STK32B: variants seen among roughly 807,000 people sequenced by gnomAD.
STK32B encodes serine/threonine kinase 32B, also known as serine/threonine-protein kinase 32B.
STK32B carries 43 observed loss-of-function variants against 52.6 expected under a neutral mutation model. The observed-to-expected ratio is 0.82, with a 90% confidence interval of 0.64 to 1.05. The LOEUF (loss-of-function observed/expected upper bound fraction) is 1.05. STK32B is among the 50% of genes least tolerant of loss of function. The pLI is 0.00. For synonymous variants in STK32B, 238 were observed against 204.3 expected, an observed-to-expected ratio of 1.17 and a Z score of -1.41; for missense variants, 621 against 534.6, an observed-to-expected ratio of 1.16 and a Z score of -1.59.
In STK32B at chr4:5,306,363, T is replaced by C. The variant is rs567692348; in HGVS notation, c.261-24857T>C. 2.6e-5 allele frequency among the ~76,000 whole-genome samples: 4 copies of C among 152,290 alleles called. No individual in the cohort carries two copies. In the South Asian group the frequency reaches 8.3e-4, roughly 32 times the overall value. ...TATCATTTCTTAGGTCTAGTAGTAA[T>C]TGTTTTATGAATTTGGGAACTCCAG... is the stretch of plus-strand genomic sequence containing the variant. On this transcript the variant is annotated intron_variant, in intron 3 of 11. Coordinates refer to ENST00000282908, the MANE Select transcript of STK32B (RefSeq NM_018401.3).
At chr4:5,484,920 ACT>A (rs1719022738) in intron 11 of STK32B, among the ~76,000 whole-genome samples, 1 of 151,836 alleles carries the variant, frequency 6.6e-6, no homozygotes, top group African/African-American at 2.4e-5. Flanking sequence ...ATTGGCCCCC[ACT>A]CTCTTTTGGC....
rs903363678 is a variant in STK32B, at chr4:5,467,547, G to T, written c.1042-459G>T. On this transcript the variant is annotated intron_variant, in intron 10 of 11. Transcript: ENST00000282908. This position sits in a 1 kb window ranked among gnomAD's most constrained non-coding sequence, Gnocchi z 5.8. ...ATCTTAACTGGATTACATCTGTAAA[G>T]GTTCTATTTCCAAATAACGTCATGT... Among the ~76,000 whole-genome samples the T allele has an allele frequency of 1.3e-5, 2 of 152,102 alleles. No individual in the cohort carries two copies.
chr4:5,406,312 C>T (rs1358275426), intron 5 of STK32B, among the ~76,000 whole-genome samples: 1 of 152,194 alleles, frequency 6.6e-6, no homozygotes, highest in African/African-American at 2.4e-5. Context: ...CACAGGTTGG[C>T]ATTGAGTGAT....
At chr4:5,157,299 TAAAAAAAA>T (rs59362249) in intron 2 of STK32B, among the ~76,000 whole-genome samples, 1 of 101,570 alleles carries the variant, frequency 9.8e-6, no homozygotes. Flanking sequence ...TGTGAGGATG[TAAAAAAAA>T]AAAAAAAAAA....
At chr4:5,132,616 T>TC (rs779528580) in intron 1 of STK32B, among the ~76,000 whole-genome samples, 1 of 151,892 alleles carries the variant, frequency 6.6e-6, no homozygotes, top group Non-Finnish European at 1.5e-5. Flanking sequence ...AGACAGATTT[T>TC]CCCCAAGATC....
intron 6 of STK32B, among the ~76,000 whole-genome samples, chr4:5,422,966 C>G (rs1242211044): frequency 2.0e-5 from 3 of 152,008 alleles, no homozygotes; most frequent in East Asian, 1.9e-4. Context: ...GAGTGAAGCA[C>G]CATTGTGTGA....
intron 1 of STK32B, among the ~76,000 whole-genome samples, chr4:5,065,101 C>G (rs918101212): frequency 2.0e-5 from 3 of 152,084 alleles, no homozygotes; most frequent in Admixed American, 6.6e-5. Flanking sequence ...TTTGTACTAT[C>G]TCCCTGGGTG....
chr4:5,261,221 C>T (rs75265893), intron 3 of STK32B, among the ~76,000 whole-genome samples: 87 of 152,242 alleles, frequency 5.7e-4, no homozygotes, highest in Admixed American at 1.2e-3. Flanking sequence ...ATTAAGGCTT[C>T]GTGCACCAAT....
At chr4:5,159,566 A>ATATATATGTATATATGT (rs1718182775) in intron 2 of STK32B, among the ~76,000 whole-genome samples, 8 of 69,158 alleles carry the variant, frequency 1.2e-4, no homozygotes, top group African/African-American at 4.4e-4. Context: ...TATATGAATG[A>ATATATATGTATATATGT]ATATATATGA....
At chr4:5,462,213 T>TA (rs1717082264) in intron 9 of STK32B, among the ~76,000 whole-genome samples, 1 of 151,940 alleles carries the variant, frequency 6.6e-6, no homozygotes, top group African/African-American at 2.4e-5. Flanking sequence ...TGTGTGCCTA[T>TA]ATGTCTATGT....
At chr4:5,494,277 C>T (rs373985851) in intron 11 of STK32B, among the ~76,000 whole-genome samples, 43 of 152,132 alleles carry the variant, frequency 2.8e-4, no homozygotes, top group Admixed American at 1.0e-3. Context: ...ATTGGGTGCA[C>T]ATATATTTAG....
At chr4:5,315,727 C>T (rs558790658) in intron 3 of STK32B, among the ~76,000 whole-genome samples, 13 of 140,826 alleles carry the variant, frequency 9.2e-5, no homozygotes, top group African/African-American at 2.9e-4. Flanking sequence ...ACTCCAGTTT[C>T]GCCCTGAGAC....
chr4:5,252,639 C>G (rs1726023596), intron 3 of STK32B, among the ~76,000 whole-genome samples: 1 of 152,194 alleles, frequency 6.6e-6, no homozygotes, highest in African/African-American at 2.4e-5. Flanking sequence ...GTCATTGTCA[C>G]TTATTCACTT....
intron 6 of STK32B, among the ~76,000 whole-genome samples, chr4:5,434,314 A>T (rs994341547): frequency 6.6e-6 from 1 of 152,168 alleles, no homozygotes; most frequent in Non-Finnish European, 1.5e-5. Context: ...TACTAATTCA[A>T]TTGGAACCAA....
chr4:5,037,947 G>A, the STK32B span, among the ~76,000 whole-genome samples: 1 of 152,162 alleles, frequency 6.6e-6, no homozygotes, highest in Non-Finnish European at 1.5e-5. Flanking sequence ...GACGGAAGGG[G>A]GAGGGAGTGT....
At chr4:5,496,184 G>GAGCCTACAGAGGCAGGCA (rs1720229232) in intron 11 of STK32B, among the ~76,000 whole-genome samples, 1 of 152,238 alleles carries the variant, frequency 6.6e-6, no homozygotes, top group Non-Finnish European at 1.5e-5. Flanking sequence ...CCCAGAGGTG[G>GAGCCTACAGAGGCAGGCA]AGCCTACAGA....
At chr4:5,132,326 AG>A (rs1184032541) in intron 1 of STK32B, among the ~76,000 whole-genome samples, 1 of 152,152 alleles carries the variant, frequency 6.6e-6, no homozygotes, top group Non-Finnish European at 1.5e-5. Flanking sequence ...GGACATAAAG[AG>A]GGGAACAACA....
At chr4:5,250,516 T>A (rs960701702) in intron 3 of STK32B, among the ~76,000 whole-genome samples, 6 of 152,096 alleles carry the variant, frequency 3.9e-5, no homozygotes, top group African/African-American at 1.4e-4. Flanking sequence ...TTTCGCCATA[T>A]TGGCCAGGCT....
intron 11 of STK32B, among the ~76,000 whole-genome samples, chr4:5,468,444 G>T (rs185529871): frequency 6.6e-6 from 1 of 152,206 alleles, no homozygotes; most frequent in African/African-American, 2.4e-5. Context: ...GAGTGACCTT[G>T]CCCTGCCTGA....
Sources: gnomAD v4.1 joint callset for allele counts (sites outside exome capture counted in the v4.1 genomes callset) on GRCh38, gnomAD v4.1.1 for gene constraint, Gnocchi (gnomAD v3.1) non-coding constraint, MANE v1.5 for transcripts, NCBI Gene and HGNC (gene_info 2026-07-23, HGNC 2026-07-21) for gene names.